CLCA1: variants seen among roughly 807,000 people sequenced by gnomAD.
The protein encoded by CLCA1 is calcium-activated chloride channel regulator 1.
A neutral mutation model predicts 85.6 loss-of-function variants in CLCA1; 59 were observed. That is an observed-to-expected ratio of 0.69 (90% CI 0.56 to 0.86). The LOEUF is 0.86. CLCA1 is among the 40% of genes least tolerant of loss of function. The pLI is 0.00. For missense variants in CLCA1, 1,022 were observed against 1,101.4 expected (o/e 0.93, Z 1.02); for synonymous variants, 396 against 398.3 (o/e 0.99, Z 0.07).
chr1:86,492,702 A>C (rs1468785376), intron 9 of CLCA1, among the ~76,000 whole-genome samples: 1 of 152,194 alleles, frequency 6.6e-6, no homozygotes, highest in Non-Finnish European at 1.5e-5. Context: ...CAGCTCCCTC[A>C]TTCTATTCCA....
At chr1:86,484,436 G>T (rs2101737441) in intron 5 of CLCA1, among the ~76,000 whole-genome samples, 1 of 152,290 alleles carries the variant, frequency 6.6e-6, no homozygotes, top group East Asian at 1.9e-4. Context: ...GTAAATTAGA[G>T]ACATGGAATA....
intron 12 of CLCA1, among the ~76,000 whole-genome samples, chr1:86,496,310 A>G (rs1313800305): frequency 6.6e-6 from 1 of 152,238 alleles, no homozygotes; most frequent in Admixed American, 6.5e-5. Context: ...TATCTACATC[A>G]ATATCATTAT....
At chr1:86,497,417 T>A (rs75661144) in intron 12 of CLCA1, among the ~76,000 whole-genome samples, 177 of 152,304 alleles carry the variant, frequency 1.2e-3, no homozygotes, top group African/African-American at 4.1e-3. Flanking sequence ...GAAAACAAAT[T>A]CTAAGTAATG....
At chr1:86,471,982 A>G (rs1647509419) in intron 1 of CLCA1, among the ~76,000 whole-genome samples, 1 of 151,654 alleles carries the variant, frequency 6.6e-6, no homozygotes. Flanking sequence ...CTGTTCCCGC[A>G]AGGACTTTGC....
intron 4 of CLCA1, 147 bp from the exon 5 acceptor site, chr1:86,482,058 T>G: frequency 1.6e-6 from 1 of 615,692 alleles, no homozygotes; most frequent in South Asian, 2.2e-5. Flanking sequence ...TGATGACAAT[T>G]TAACACTTTT....
At chr1:86,494,473 T>C (rs766036602) in intron 11 of CLCA1, 25 bp downstream of exon 11, 2 of 1,610,112 alleles carry the variant, frequency 1.2e-6, no homozygotes, top group South Asian at 2.2e-5. Flanking sequence ...AATTGGAAGA[T>C]ATTTATTTCT....
intron 1 of CLCA1, among the ~76,000 whole-genome samples, chr1:86,469,743 T>C (rs559629317): frequency 1.8e-4 from 27 of 152,290 alleles, no homozygotes; most frequent in Admixed American, 1.8e-3. Context: ...TTGAAGAAGG[T>C]CTTGTACAAC....
chr1:86,476,435 T>C lies in CLCA1; in HGVS notation c.452-13T>C. On this transcript the variant is annotated splice_polypyrimidine_tract_variant and intron_variant, in intron 3 of 13. Coordinates refer to ENST00000394711, the MANE Select transcript of CLCA1 (RefSeq NM_001285.4). ...TCTTATTGTAATCAGTTTTTTAAAA[T>C]ACTTTCTCACAGGTAGGGCATTTGT... 10 of 1,404,596 alleles carry C rather than the reference T, an allele frequency of 7.1e-6. No individual in the cohort carries two copies. Among genetic ancestry groups the C allele is most frequent in the Admixed American group, 1.7e-5 (1 of 57,408 alleles). The allele number at this position is 1,404,596 out of a possible 1,614,324, so 87.0% of individuals were successfully genotyped here. A position where few individuals can be genotyped will look rare whatever the true frequency, so the allele number is the denominator to read the frequency against.
chr1:86,491,523 A>G, intron 9 of CLCA1, 152 bp downstream of exon 9: 1 of 550,134 alleles, frequency 1.8e-6, no homozygotes, highest in East Asian at 2.8e-5. Flanking sequence ...CATTATTCCT[A>G]AAATGCAACA....
chr1:86,486,894 G>A lies in CLCA1; in HGVS notation c.1182+141G>A, dbSNP rs181631786. The A allele has an allele frequency of 1.8e-5, 14 of 764,486 alleles. No individual in the cohort carries two copies. The Admixed American group carries it at 3.1e-4, about 17-fold the overall frequency. 47.4% of individuals were successfully genotyped at this position (764,486 alleles called of 1,614,324 possible). On this transcript the variant is annotated intron_variant, in intron 7 of 13. Transcript: ENST00000394711. Reference sequence around the variant, plus strand: ...GAGCAATATTCCATATTTACTTGGAGACTGTTTAGCCACATGAAACAGAAT... The same window carrying A: ...GAGCAATATTCCATATTTACTTGGAAACTGTTTAGCCACATGAAACAGAAT...
At chr1:86,470,127 C>T (rs543683148) in intron 1 of CLCA1, among the ~76,000 whole-genome samples, 67 of 152,122 alleles carry the variant, frequency 4.4e-4, no homozygotes, top group African/African-American at 1.4e-3. Context: ...AGAACAAGGG[C>T]CCAGAGGGAT....
rs560145729 is a variant in CLCA1, at chr1:86,484,068, T to C, written c.736-1275T>C. On this transcript the variant is annotated intron_variant, in intron 5 of 13. Transcript: ENST00000394711. The stretch of plus-strand genomic sequence containing the variant: ...CTCACTCAATATCACAAGAACAGCA[T>C]GGAGGAAACCATCTCGATGATCCAA... 7.2e-4 allele frequency among the ~76,000 whole-genome samples: 110 copies of C among 152,238 alleles called. 1 individual carries two copies. The highest frequency in any genetic ancestry group is 2.5e-3 in the African/African-American group (105 of 41,542).
At chr1:86,476,037 C>A (rs1647628116) in intron 3 of CLCA1, among the ~76,000 whole-genome samples, 1 of 152,078 alleles carries the variant, frequency 6.6e-6, no homozygotes, top group African/African-American at 2.4e-5. Context: ...GGGATAGGAG[C>A]CATGAGGGAG....
At chr1:86,482,619 G>A (rs1023213058) in intron 5 of CLCA1, among the ~76,000 whole-genome samples, 1 of 152,062 alleles carries the variant, frequency 6.6e-6, no homozygotes, top group Non-Finnish European at 1.5e-5. Flanking sequence ...TAGTTCAAGT[G>A]CTTAGGATTA....
At chr1:86,495,366 A>G in intron 11 of CLCA1, 139 bp from the exon 12 acceptor site, 1 of 650,292 alleles carries the variant, frequency 1.5e-6, no homozygotes, top group Non-Finnish European at 2.6e-6. Context: ...CTTACCCTCA[A>G]CACACCAAAA....
intron 9 of CLCA1, 35 bp from the exon 10 acceptor site, chr1:86,493,349 A>C (rs754260827): frequency 6.5e-7 from 1 of 1,539,072 alleles, no homozygotes; most frequent in Non-Finnish European, 9.0e-7. Flanking sequence ...TGGGAGCTGT[A>C]TTCTCCAGAA....
rs1410017953 is a variant in CLCA1, at chr1:86,499,744, T to C, written c.2444T>C (p.Ile815Thr). Residue 815 changes from isoleucine to threonine, a missense_variant, in exon 14 of 14, where the codon ATC becomes ACC. Physicochemically the swap from Ile to Thr is moderately conservative, Grantham distance 89. Coordinates refer to ENST00000394711, the MANE Select transcript of CLCA1 (RefSeq NM_001285.4). Reference sequence around the variant, plus strand: ...CTTCAAGTGAATACTACTGCTCTCATCCCAAAGGAAGCCAACTCTGAGGAA... The same window carrying C: ...CTTCAAGTGAATACTACTGCTCTCACCCCAAAGGAAGCCAACTCTGAGGAA... ...ESLQVNTTAL[I>T]PKEANSEEVF... The C allele has an allele frequency of 6.2e-7, 1 of 1,611,960 alleles. No homozygotes were observed.
chr1:86,487,531 T>C (rs2753333), intron 7 of CLCA1, among the ~76,000 whole-genome samples: 2 of 152,170 alleles, frequency 1.3e-5, no homozygotes, highest in African/African-American at 4.8e-5. Flanking sequence ...GCAAAGGACC[T>C]TGGATCTTAT....
rs148565431 is a variant in CLCA1 at position 86,481,583 on chromosome 1, A to G, written c.558-622A>G. ...TGCTTCAACTTGGTAACAGTAGCTC[A>G]TTTCTGATGGTGAGACATGTTTTTT... On this transcript the variant is annotated intron_variant, in intron 4 of 13. Transcript: ENST00000394711. Among the ~76,000 whole-genome samples, 504 of 152,282 alleles carry G rather than the reference A, an allele frequency of 3.3e-3. 4 individuals are homozygous for G. The highest frequency in any genetic ancestry group is 3.7e-3 in the Non-Finnish European group (250 of 68,026).
Sources: gnomAD v4.1 joint callset for allele counts (sites outside exome capture counted in the v4.1 genomes callset) on GRCh38, gnomAD v4.1.1 for gene constraint, MANE v1.5 for transcripts, NCBI Gene and HGNC (gene_info 2026-07-23, HGNC 2026-07-21) for gene names.